Variants in RNF213 observed in about 807,000 individuals in gnomAD.
RNF213 encodes the protein ring finger protein 213.
A neutral mutation model predicts 514.4 loss-of-function variants in RNF213; 341 were observed. The observed-to-expected ratio is 0.66, with a 90% CI of 0.61 to 0.73. The LOEUF (loss-of-function observed/expected upper bound fraction) is 0.73. Among genes scored for constraint, RNF213 ranks in the 30% least tolerant of loss-of-function variants. The pLI is 0.00. For synonymous variants in RNF213, 2,655 were observed against 2,658.2 expected, an observed-to-expected ratio of 1.00 and a Z score of 0.04; for missense variants, 5,767 against 6,615.6, an observed-to-expected ratio of 0.87 and a Z score of 4.45.
chr17:80,355,433 G>A lies in RNF213; in HGVS notation c.10862+857G>A, dbSNP rs7213818. On this transcript the variant is annotated intron_variant, in intron 36 of 67. Coordinates refer to ENST00000582970, the MANE Select transcript of RNF213 (RefSeq NM_001256071.3). ...GGCTCACGGAGGAAGAAGCGGGGTG[G>A]ATGGGAATCGGGGCTCACGGAGGAA... 8.9e-3 allele frequency: 999 copies of A among 111,996 alleles called. 64 individuals carry two copies. The highest frequency in any genetic ancestry group is 0.02 in the South Asian group (327 of 16,310). The allele number at this position is 111,996 out of a possible 1,614,324, so 6.9% of individuals were successfully genotyped here.
chr17:80,289,602 A>AG, intron 5 of RNF213, 57 bp from the exon 6 acceptor site: 1 of 1,578,182 alleles, frequency 6.3e-7, no homozygotes, highest in Non-Finnish European at 8.6e-7. Context: ...GAAAAAAAAA[A>AG]AAAAAAGAAA....
chr17:80,392,552 C>G (rs2144681314), intron 67 of RNF213, among the ~76,000 whole-genome samples: 1 of 152,172 alleles, frequency 6.6e-6, no homozygotes, highest in African/African-American at 2.4e-5. Context: ...GGATGCTAGT[C>G]CCAGTTCAGG....
chr17:80,301,486 A>G (rs1249743480), intron 11 of RNF213, among the ~76,000 whole-genome samples: 1 of 152,186 alleles, frequency 6.6e-6, no homozygotes, highest in Non-Finnish European at 1.5e-5. Context: ...AAATGGACAA[A>G]TGAGTTGAGT....
In RNF213 at chr17:80,317,939, A is replaced by G. The variant is rs2046002193; in HGVS notation, c.2901+662A>G. On this transcript the variant is annotated intron_variant, in intron 16 of 67. Coordinates refer to ENST00000582970, the MANE Select transcript of RNF213 (RefSeq NM_001256071.3). This position sits in a 1 kb window ranked among gnomAD's most constrained non-coding sequence, Gnocchi z 4.1. ...ACTTGAAGGATGGTGAAGGTGGAGA[A>G]TTTTATTAAGCAATGGAAATGGCTC... Among the ~76,000 whole-genome samples the G allele has an allele frequency of 1.3e-5, 2 of 152,086 alleles. No homozygotes were observed. The highest frequency in any genetic ancestry group is 2.9e-5 in the Non-Finnish European group (2 of 68,006).
Position 80,291,953 on chromosome 17 carries a change from T to C in RNF213, c.1471+126T>C, listed in dbSNP as rs79146856. On this transcript the variant is annotated intron_variant, in intron 8 of 67. Coordinates refer to ENST00000582970, the MANE Select transcript of RNF213 (RefSeq NM_001256071.3). ...GCAGTGAGGTCCTCTTTGCTCTGCA[T>C]TGACCCCGCCCCAGCCTCCAGGTTC... 2.5e-3 allele frequency: 2,490 copies of C among 983,112 alleles called. 39 individuals are homozygous for C. The African/African-American group carries it at 0.035, about 14-fold the overall frequency. 60.9% of individuals were successfully genotyped at this position (983,112 alleles called of 1,614,324 possible).
chr17:80,271,822 C>CA (rs910795802), intron 2 of RNF213, among the ~76,000 whole-genome samples: 8 of 150,572 alleles, frequency 5.3e-5, no homozygotes, highest in African/African-American at 1.7e-4. Flanking sequence ...ACTAAAAATA[C>CA]AAAAAAAATT....
chr17:80,270,436 C>T (rs747878410), intron 2 of RNF213, among the ~76,000 whole-genome samples: 2 of 152,252 alleles, frequency 1.3e-5, no homozygotes, highest in African/African-American at 2.4e-5. Flanking sequence ...TTCAAATCCC[C>T]TGCACAAAGC....
At chr17:80,278,871 G>A (rs1043846836) in intron 3 of RNF213, 5 of 1,537,200 alleles carry the variant, frequency 3.3e-6, no homozygotes, top group African/African-American at 1.4e-5. Context: ...ATGCAGCCCC[G>A]CTTGAGGCCG....
rs759389448 is a variant in RNF213, at chr17:80,346,847, G to A, written c.8512G>A (p.Val2838Ile). 2.9e-5 allele frequency: 47 copies of A among 1,614,012 alleles called. No individual in the cohort carries two copies. Among genetic ancestry groups the A allele is most frequent in the Middle Eastern group, 1.6e-4 (1 of 6,084 alleles). Residue 2838 changes from valine to isoleucine, a missense_variant, in exon 29 of 68, where the codon GTC becomes ATC. Around this residue, in one of 13 missense-constraint regions of RNF213, gnomAD observed 105 missense variants for 183.9 expected, o/e 0.57. Transcript: ENST00000582970. This position sits in a 1 kb window ranked among gnomAD's most constrained non-coding sequence, Gnocchi z 8.1. ...FQQGKDLQQY[V>I]SVVVLDEVGL... Reference sequence around the variant, plus strand: ...GCAGGGGAAGGACCTGCAGCAGTACGTCTCTGTGGTGGTGTTAGATGAGGT... The same window carrying A: ...GCAGGGGAAGGACCTGCAGCAGTACATCTCTGTGGTGGTGTTAGATGAGGT...
intron 1 of RNF213, among the ~76,000 whole-genome samples, chr17:80,262,621 G>T (rs568104482): frequency 6.6e-6 from 1 of 152,186 alleles, no homozygotes; most frequent in Non-Finnish European, 1.5e-5. Flanking sequence ...TTCCTTTATA[G>T]CCTTTTACAA....
At position 80,263,536 on chromosome 17, in the gene RNF213, A is replaced by G. The variant is rs992775074; in HGVS notation, c.-108-38A>G. On this transcript the variant is annotated intron_variant, in intron 1 of 67. Coordinates refer to ENST00000582970, the MANE Select transcript of RNF213 (RefSeq NM_001256071.3). This position sits in a 1 kb window ranked among gnomAD's most constrained non-coding sequence, Gnocchi z 4.9. ...TGCTCCTGTTGGGTTTCCATTAACC[A>G]GGGGACCAGCTGGGCTGCTGTGATT... The G allele has an allele frequency of 9.1e-5, 66 of 729,174 alleles. No homozygotes were observed. In the South Asian group the frequency reaches 9.8e-4, roughly 11 times the overall value. 45.2% of individuals were successfully genotyped at this position (729,174 alleles called of 1,614,324 possible).
At chr17:80,328,202 G>T in intron 19 of RNF213, 126 bp from the exon 20 acceptor site, 2 of 1,223,334 alleles carry the variant, frequency 1.6e-6, no homozygotes, top group Non-Finnish European at 2.2e-6. Context: ...GAAAAAGTGG[G>T]TATGCGCAAA....
rs74003706 is a variant in RNF213 at position 80,288,162 on chromosome 17, G to A, written c.609G>A (p.Glu203=). The change falls in exon 4 of 68, where the codon GAG becomes GAA. Residue 203 remains glutamate, a synonymous_variant. Transcript: ENST00000582970. This position sits in a 1 kb window ranked among gnomAD's most constrained non-coding sequence, Gnocchi z 4.9. The stretch of plus-strand genomic sequence containing the variant: ...AATTCCAGGACCACACGGAAGGGGA[G>A]GACCAGGACGCTTCCATCCCCTCTG... ...SPQFQDHTEG[E]DQDASIPSGG... 3 of 1,611,134 alleles carry A rather than the reference G, an allele frequency of 1.9e-6. No individual in the cohort carries two copies.
rs2080391368 is a variant in RNF213 at position 80,389,836 on chromosome 17, C to T, written c.15204C>T (p.Asn5068=). 2 of 1,613,946 alleles carry T rather than the reference C, an allele frequency of 1.2e-6. No homozygotes were observed. Among genetic ancestry groups the T allele is most frequent in the Non-Finnish European group, 1.7e-6 (2 of 1,179,958 alleles). ...TTCTATTCCTTCTGCAGGCCTTAAA[C>T]AGATGCCAGTTAAAACACACCATTG... is the stretch of plus-strand genomic sequence containing the variant. ...DQTIHVLKAL[N]RCQLKHTIAL... is the part of the protein sequence containing the mutation. The change falls in exon 66 of 68, where the codon AAC becomes AAT. Residue 5068 remains asparagine, a synonymous_variant. Coordinates refer to ENST00000582970, the MANE Select transcript of RNF213 (RefSeq NM_001256071.3).
At chr17:80,371,814 T>C in intron 46 of RNF213, 60 bp from the exon 47 acceptor site, 2 of 874,230 alleles carry the variant, frequency 2.3e-6, no homozygotes, top group Non-Finnish European at 3.8e-6. Context: ...ATGCTCTTTT[T>C]TTTAGTAAGG....
chr17:80,376,362 G>A lies in RNF213; in HGVS notation c.13247G>A (p.Ser4416Asn). The A allele has an allele frequency of 6.2e-7, 1 of 1,614,210 alleles. No individual in the cohort carries two copies. The highest frequency in any genetic ancestry group is 8.5e-7 in the Non-Finnish European group (1 of 1,180,036). ...AAGATCCTTTCACCTCCTGATATCA[G>A]CCGTTTTGCAACATCGCTCGTGGAC... ...ECKILSPPDI[S>N]RFATSLVDNS... is the part of the protein sequence containing the mutation. The change falls in exon 52 of 68, where the codon AGC (serine) becomes AAC (asparagine). Residue 4416 changes from serine (S) to asparagine (N), a missense_variant. Coordinates refer to ENST00000582970, the MANE Select transcript of RNF213 (RefSeq NM_001256071.3).
chr17:80,281,547 ACACCCCCCAAGACAAACG>A (rs1450685859), intron 3 of RNF213, among the ~76,000 whole-genome samples: 4 of 48,644 alleles, frequency 8.2e-5, no homozygotes, highest in Non-Finnish European at 1.4e-4. Flanking sequence ...TACCACTCAC[ACACCCCCCAAGACAAACG>A]CCCCACTCAC....
At position 80,327,857 on chromosome 17, in the gene RNF213, A is replaced by G; in HGVS notation, c.3235A>G (p.Lys1079Glu). The G allele has an allele frequency of 6.5e-7, 1 of 1,537,258 alleles. No individual in the cohort carries two copies. Among genetic ancestry groups the G allele is most frequent in the Non-Finnish European group, 8.7e-7 (1 of 1,146,886 alleles). ...ACTAGCAAATGTCACAGAGGATGCC[A>G]AGAGGCTGATAGCTGTTGCCGACTC... is the stretch of plus-strand genomic sequence containing the variant. ...KILANVTEDAKRLIAVADSVL... is the reference protein window; with the variant it reads ...KILANVTEDAERLIAVADSVL... The change falls in exon 19 of 68, where the codon AAG becomes GAG. Residue 1079 changes from lysine (K) to glutamate (E), a missense_variant. Coordinates refer to ENST00000582970, the MANE Select transcript of RNF213 (RefSeq NM_001256071.3).
intron 26 of RNF213, among the ~76,000 whole-genome samples, chr17:80,342,607 C>A (rs2078186240): frequency 6.8e-6 from 1 of 146,086 alleles, no homozygotes; most frequent in Non-Finnish European, 1.5e-5. Context: ...TATATATATT[C>A]GATACATATT....
Sources: gnomAD v4.1 joint callset for allele counts (sites outside exome capture counted in the v4.1 genomes callset) on GRCh38, gnomAD v4.1.1 for gene constraint, gnomAD v4.1.1 regional missense constraint, Gnocchi (gnomAD v3.1) non-coding constraint, MANE v1.5 for transcripts, NCBI Gene and HGNC (gene_info 2026-07-23, HGNC 2026-07-21) for gene names.